Variants in NDUFS1 observed in about 807,000 individuals in gnomAD.
The protein encoded by NDUFS1 is NADH:ubiquinone oxidoreductase core subunit S1.
Under a neutral mutation model 84.4 loss-of-function variants are expected in NDUFS1, and 61 were observed. The observed-to-expected ratio is 0.72, with a 90% CI of 0.59 to 0.89. NDUFS1 has a LOEUF of 0.89. Among genes scored for constraint, NDUFS1 ranks in the 40% least tolerant of loss-of-function variants. The pLI is 0.00. For synonymous variants in NDUFS1, 275 were observed against 290.0 expected (o/e 0.95, Z 0.53); for missense variants, 891 against 890.0 (o/e 1.00, Z -0.01).
At chr2:206,153,891 T>C (rs1210550398) in intron 1 of NDUFS1, among the ~76,000 whole-genome samples, 2 of 152,222 alleles carry the variant, frequency 1.3e-5, no homozygotes, top group South Asian at 2.1e-4. Context: ...GCAGCAGCTA[T>C]TGTATACATT....
chr2:206,150,874 A>G (rs553801012), intron 3 of NDUFS1, among the ~76,000 whole-genome samples: 23 of 152,068 alleles, frequency 1.5e-4, no homozygotes, highest in Non-Finnish European at 3.1e-4. Context: ...CTAAAGAACT[A>G]TTTGTCTGTG....
intron 5 of NDUFS1, 30 bp from the exon 6 acceptor site, chr2:206,147,864 C>G: frequency 6.4e-7 from 1 of 1,564,758 alleles, no homozygotes; most frequent in East Asian, 2.2e-5. Flanking sequence ...TATAAAATGA[C>G]TCTCAAATAC....
chr2:206,156,207 G>A (rs1687645786), intron 1 of NDUFS1, among the ~76,000 whole-genome samples: 2 of 148,712 alleles, frequency 1.3e-5, no homozygotes, highest in Non-Finnish European at 1.5e-5. Context: ...AGCTTGCAGT[G>A]AGCCAAGATC....
rs763115665 is a variant in NDUFS1 at position 206,127,982 on chromosome 2, G to C, written c.1709-10C>G. 3 of 1,613,914 alleles carry C rather than the reference G, an allele frequency of 1.9e-6. No homozygotes were observed. The highest frequency in any genetic ancestry group is 2.7e-5 in the African/African-American group (2 of 74,994). On this transcript the variant is annotated splice_polypyrimidine_tract_variant and intron_variant, in intron 15 of 18. Coordinates refer to ENST00000233190, the MANE Select transcript of NDUFS1 (RefSeq NM_005006.7). ...ACATCACCATGATGTCCTGCACAAA[G>C]ATGGAAAATGGTAAACCAAAATTTT...
At chr2:206,145,249 C>T (rs1192137334) in intron 8 of NDUFS1, among the ~76,000 whole-genome samples, 1 of 152,070 alleles carries the variant, frequency 6.6e-6, no homozygotes, top group Non-Finnish European at 1.5e-5. Context: ...TCATAATTCA[C>T]TGCAGCCTAG....
chr2:206,128,158 C>G (rs1269145963), intron 15 of NDUFS1, among the ~76,000 whole-genome samples, 186 bp from the exon 16 acceptor site: 1 of 151,972 alleles, frequency 6.6e-6, no homozygotes, highest in Non-Finnish European at 1.5e-5. Flanking sequence ...AACTCCCTTC[C>G]CAAAGAAAAT....
chr2:206,116,234 A>G lies in NDUFS1; in HGVS notation c.*7951T>C, dbSNP rs1284378496. Reference sequence around the variant, plus strand: ...ATCTTCATAACGAGATTTGTTTACAAGTCCTGGATTTTCTGCAAGAGCTTC... The same window carrying G: ...ATCTTCATAACGAGATTTGTTTACAGGTCCTGGATTTTCTGCAAGAGCTTC... On this transcript the variant is annotated 3_prime_UTR_variant, in exon 19 of 19. Coordinates refer to ENST00000233190, the MANE Select transcript of NDUFS1 (RefSeq NM_005006.7). The G allele has an allele frequency of 8.0e-7, 1 of 1,254,106 alleles. No individual in the cohort carries two copies. The highest frequency in any genetic ancestry group is 1.2e-6 in the Non-Finnish European group (1 of 851,594). The allele number at this position is 1,254,106 out of a possible 1,614,324, so 77.7% of individuals were successfully genotyped here.
In NDUFS1 at chr2:206,153,617, C is replaced by G; in HGVS notation, c.61+1G>C. 6.6e-7 allele frequency: 1 copy of G among 1,525,600 alleles called. No individual in the cohort carries two copies. The highest frequency in any genetic ancestry group is 9.1e-7 in the Non-Finnish European group (1 of 1,100,392). The allele number at this position is 1,525,600 out of a possible 1,614,324, so 94.5% of individuals were successfully genotyped here. A position where few individuals can be genotyped will look rare whatever the true frequency, so the allele number is the denominator to read the frequency against. On this transcript the variant is annotated splice_donor_variant, in intron 2 of 18. Transcript: ENST00000233190. LOFTEE classifies it high-confidence loss of function. ...GAATGCAAATTTAAGAAAATACTCA[C>G]CACATCCTTTAGGAGACTTAGAAAG...
intron 18 of NDUFS1, among the ~76,000 whole-genome samples, chr2:206,124,566 G>A (rs879439912): frequency 2.6e-4 from 39 of 152,074 alleles, no homozygotes; most frequent in Non-Finnish European, 4.4e-4. Flanking sequence ...AAGGCCAGGC[G>A]CGGTGGCTCA....
At chr2:206,130,501 C>T (rs1247027964) in intron 14 of NDUFS1, among the ~76,000 whole-genome samples, 2 of 152,064 alleles carry the variant, frequency 1.3e-5, no homozygotes, top group Admixed American at 6.6e-5. Context: ...ACTACAGGCA[C>T]ATGCCACCAC....
chr2:206,120,984 T>C lies in NDUFS1; in HGVS notation c.*3201A>G, dbSNP rs1057055737. 3 of 152,238 alleles carry C rather than the reference T, an allele frequency of 2.0e-5. No homozygotes were observed. Among genetic ancestry groups the C allele is most frequent in the Non-Finnish European group, 4.4e-5 (3 of 68,044 alleles). 9.4% of individuals were successfully genotyped at this position (152,238 alleles called of 1,614,324 possible). On this transcript the variant is annotated 3_prime_UTR_variant, in exon 19 of 19. Coordinates refer to ENST00000233190, the MANE Select transcript of NDUFS1 (RefSeq NM_005006.7). ...TTGAGGCAACCTGGGATAGTAAAAG[T>C]ACTTCTAATTAAACACTCCTGCCAT...
intron 16 of NDUFS1, 60 bp downstream of exon 16, chr2:206,127,737 A>G: frequency 6.4e-7 from 1 of 1,553,390 alleles, no homozygotes; most frequent in Non-Finnish European, 8.9e-7. Context: ...TCATTCTAAC[A>G]GGCTAAAATA....
intron 1 of NDUFS1, among the ~76,000 whole-genome samples, chr2:206,158,800 CA>C (rs1687783549): frequency 6.6e-6 from 1 of 152,174 alleles, no homozygotes; most frequent in African/African-American, 2.4e-5. Flanking sequence ...GCTAACTTTT[CA>C]AAAGTCGTTT....
chr2:206,132,022 G>C (rs181526241), intron 14 of NDUFS1, among the ~76,000 whole-genome samples: 1 of 152,088 alleles, frequency 6.6e-6, no homozygotes, highest in Non-Finnish European at 1.5e-5. Context: ...TTACTTGGGA[G>C]GCTGAGGCAG....
chr2:206,126,892 A>G (rs1691315677), intron 16 of NDUFS1, 48 bp from the exon 17 acceptor site: 6 of 1,605,322 alleles, frequency 3.7e-6, no homozygotes, highest in Non-Finnish European at 4.3e-6. Context: ...TTAATACTTA[A>G]AAATATCAAA....
Position 206,119,821 on chromosome 2 carries a change from T to G in NDUFS1, c.*4364A>C, listed in dbSNP as rs961372751. ...GATATTTTTGGATATATATTCAACT[T>G]TTTTTTTTAAGAGTTGGGGGTCTTG... is the stretch of plus-strand genomic sequence containing the variant. On this transcript the variant is annotated 3_prime_UTR_variant, in exon 19 of 19. Transcript: ENST00000233190. 1 of 151,222 alleles carries G rather than the reference T, an allele frequency of 6.6e-6. No individual in the cohort carries two copies. The highest frequency in any genetic ancestry group is 2.4e-5 in the African/African-American group (1 of 41,108). The allele number at this position is 151,222 out of a possible 1,614,324, so 9.4% of individuals were successfully genotyped here.
Position 206,130,101 on chromosome 2 carries a change from G to A in NDUFS1, c.1695C>T (p.Phe565=), listed in dbSNP as rs568816931. The change falls in exon 15 of 19, where the codon TTC becomes TTT. Residue 565 remains phenylalanine, a synonymous_variant. Coordinates refer to ENST00000233190, the MANE Select transcript of NDUFS1 (RefSeq NM_005006.7). The part of the protein sequence containing the change: ...ITRQDLPKDC[F]IIYQGHHGDV... ...GGTGATACTTACCTTGATAAATAATGAAACAATCCTTTGGCAAATCCTGTC... is the reference window on the plus strand; with the variant it reads ...GGTGATACTTACCTTGATAAATAATAAAACAATCCTTTGGCAAATCCTGTC... 9.3e-6 allele frequency: 15 copies of A among 1,614,004 alleles called. No individual in the cohort carries two copies. The African/African-American group carries it at 1.6e-4, about 17-fold the overall frequency.
chr2:206,117,983 A>G lies in NDUFS1; in HGVS notation c.*6202T>C, dbSNP rs1203897020. On this transcript the variant is annotated 3_prime_UTR_variant, in exon 19 of 19. Coordinates refer to ENST00000233190, the MANE Select transcript of NDUFS1 (RefSeq NM_005006.7). ...AAATTAATCACCAGTCTCAGATCAT[A>G]TATTTGCCATTTCCAACATATGCTT... 6.6e-6 allele frequency: 1 copy of G among 152,204 alleles called. No individual in the cohort carries two copies. The highest frequency in any genetic ancestry group is 1.5e-5 in the Non-Finnish European group (1 of 68,036). 9.4% of individuals were successfully genotyped at this position (152,204 alleles called of 1,614,324 possible). A position where few individuals can be genotyped will look rare whatever the true frequency, so the allele number is the denominator to read the frequency against.
rs1442605404 is a variant in NDUFS1, at chr2:206,119,868, G to T, written c.*4317C>A. The stretch of plus-strand genomic sequence containing the variant: ...CTTGTTATGTTGCTGATATGGTTTG[G>T]ATGGCTGTCACTTCCAAATCTCATG... On this transcript the variant is annotated 3_prime_UTR_variant, in exon 19 of 19. Transcript: ENST00000233190. The T allele has an allele frequency of 2.6e-5, 4 of 151,868 alleles. No individual in the cohort carries two copies. The highest frequency in any genetic ancestry group is 9.7e-5 in the African/African-American group (4 of 41,306). The allele number at this position is 151,868 out of a possible 1,614,324, so 9.4% of individuals were successfully genotyped here. A position where few individuals can be genotyped will look rare whatever the true frequency, so the allele number is the denominator to read the frequency against.
Sources: gnomAD v4.1 joint callset for allele counts (sites outside exome capture counted in the v4.1 genomes callset) on GRCh38, gnomAD v4.1.1 for gene constraint, MANE v1.5 for transcripts, NCBI Gene and HGNC (gene_info 2026-07-23, HGNC 2026-07-21) for gene names.